The following MTMR14 variants were observed in gnomAD, a reference collection of about 807,000 sequenced individuals.
MTMR14 encodes myotubularin related protein 14.
Under a neutral mutation model 86.3 loss-of-function variants are expected in MTMR14, and 48 were observed. The ratio of observed to expected loss-of-function variants is 0.56; its 90% CI spans 0.44 to 0.71. MTMR14 has a LOEUF of 0.71. Among genes scored for constraint, MTMR14 ranks in the 30% least tolerant of loss-of-function variants. The pLI, the probability that MTMR14 is intolerant of heterozygous loss-of-function variation, is 0.00. For missense variants in MTMR14, 780 were observed against 834.6 expected (o/e 0.93, Z 0.81); for synonymous variants, 366 against 326.1 (o/e 1.12, Z -1.32).
At chr3:9,659,644 A>C in intron 2 of MTMR14, 1 of 452,992 alleles carries the variant, frequency 2.2e-6, no homozygotes, top group Admixed American at 2.4e-5. Context: ...GGGTTTCACC[A>C]TGTTGGCCAG....
intron 7 of MTMR14, among the ~76,000 whole-genome samples, chr3:9,676,096 G>C (rs374695187): frequency 6.6e-6 from 1 of 152,192 alleles, no homozygotes; most frequent in Non-Finnish European, 1.5e-5. Context: ...TGGCCCAAGA[G>C]TTGCTGCGAC....
intron 4 of MTMR14, among the ~76,000 whole-genome samples, chr3:9,669,139 CAAA>C (rs1225596376): frequency 2.0e-5 from 2 of 99,332 alleles, no homozygotes; most frequent in Non-Finnish European, 2.1e-5. Context: ...GACTCCGTCT[CAAA>C]AAAAAAAAAA....
At chr3:9,685,761 ACT>A (rs2075924077) in intron 13 of MTMR14, among the ~76,000 whole-genome samples, 1 of 148,238 alleles carries the variant, frequency 6.7e-6, no homozygotes, top group Non-Finnish European at 1.5e-5. Flanking sequence ...TGTGCTCAGC[ACT>A]CTCTCCCCCA....
intron 2 of MTMR14, chr3:9,653,985 C>A: frequency 1.7e-6 from 1 of 599,920 alleles, no homozygotes. Context: ...ATTGCTGTTT[C>A]ACTTCCACCC....
At chr3:9,661,371 A>G (rs1365241747) in intron 2 of MTMR14, among the ~76,000 whole-genome samples, 6 of 152,126 alleles carry the variant, frequency 3.9e-5, no homozygotes, top group Admixed American at 2.0e-4. Flanking sequence ...GGAGTTCACA[A>G]TAGGGTTCGA....
chr3:9,666,989 G>C (rs534286186), intron 3 of MTMR14, among the ~76,000 whole-genome samples: 1 of 152,308 alleles, frequency 6.6e-6, no homozygotes, highest in South Asian at 2.1e-4. Flanking sequence ...TGGCCAACTT[G>C]TTTTTCTCCA....
chr3:9,694,587 T>G (rs2076229650), intron 17 of MTMR14, among the ~76,000 whole-genome samples: 1 of 152,188 alleles, frequency 6.6e-6, no homozygotes, highest in Non-Finnish European at 1.5e-5. Flanking sequence ...AGTAGATACC[T>G]TTTCACGAAT....
rs1212236622 is a variant in MTMR14, at chr3:9,677,924, C to T, written c.823-60C>T. On this transcript the variant is annotated intron_variant, in intron 8 of 18. Coordinates refer to ENST00000296003, the MANE Select transcript of MTMR14 (RefSeq NM_001077525.3). The surrounding 1 kb of genome is among the most constrained non-coding windows in gnomAD (Gnocchi z 4.2). ...ACAGCCTCAGGACTGCAAGCTTCCC[C>T]ATCACCTAAGCCTCCTCTGGTGGCC... 1.3e-6 allele frequency: 2 copies of T among 1,511,858 alleles called. No individual in the cohort carries two copies. The highest frequency in any genetic ancestry group is 1.2e-5 in the South Asian group (1 of 86,038). The allele number at this position is 1,511,858 out of a possible 1,614,324, so 93.7% of individuals were successfully genotyped here. A position where few individuals can be genotyped will look rare whatever the true frequency, so the allele number is the denominator to read the frequency against.
intron 7 of MTMR14, among the ~76,000 whole-genome samples, chr3:9,673,791 T>A (rs931539957): frequency 2.1e-5 from 3 of 144,262 alleles, no homozygotes; most frequent in African/African-American, 8.8e-5. Context: ...ATAATGGTGC[T>A]TATTTAAGAG....
At position 9,653,782 on chromosome 3, in the gene MTMR14, T is replaced by TG; in HGVS notation, c.308+14dup. 1 of 1,614,174 alleles carries TG rather than the reference T, an allele frequency of 6.2e-7. No individual in the cohort carries two copies. Among genetic ancestry groups the TG allele is most frequent in the Non-Finnish European group, 8.5e-7 (1 of 1,180,022 alleles). ...AGGAGAAAGACACGTGAGCATCATG[T>TG]GACCGTAGTGTACATGTCTGGGGAG... On this transcript the variant is annotated intron_variant, in intron 2 of 18. Transcript: ENST00000296003.
Position 9,670,745 on chromosome 3 carries a change from G to A in MTMR14, c.555-303G>A, listed in dbSNP as rs1403934354. 2.6e-5 allele frequency among the ~76,000 whole-genome samples: 4 copies of A among 152,204 alleles called. No individual in the cohort carries two copies. In the East Asian group the frequency reaches 7.7e-4, roughly 29 times the overall value. On this transcript the variant is annotated intron_variant, in intron 5 of 18. Transcript: ENST00000296003. ...CCACCAGCCTGCTGCATTTTAGAAC[G>A]CTGAGATTATTTTGAGTCTTCTGGC...
intron 1 of MTMR14, chr3:9,650,617 A>T (rs1299531070): frequency 3.7e-6 from 1 of 267,002 alleles, no homozygotes; most frequent in African/African-American, 2.2e-5. Context: ...CTCACTCTCC[A>T]AATGGCCAAG....
At chr3:9,667,546 C>A (rs1247505289) in intron 3 of MTMR14, among the ~76,000 whole-genome samples, 1 of 152,122 alleles carries the variant, frequency 6.6e-6, no homozygotes, top group Non-Finnish European at 1.5e-5. Context: ...CTACTTAAGC[C>A]AGCAGGAATG....
At chr3:9,685,181 G>A (rs1263790198) in intron 12 of MTMR14, 30 bp from the exon 13 acceptor site, 1 of 1,614,026 alleles carries the variant, frequency 6.2e-7, no homozygotes, top group Admixed American at 1.7e-5. Flanking sequence ...TGGTGCTGCT[G>A]ACTTTGCCTC....
chr3:9,674,498 C>T (rs976994190), intron 7 of MTMR14, among the ~76,000 whole-genome samples: 1 of 152,106 alleles, frequency 6.6e-6, no homozygotes, highest in South Asian at 2.1e-4. Context: ...ATAGAAGAAT[C>T]GAAAATGGGC....
intron 2 of MTMR14, among the ~76,000 whole-genome samples, chr3:9,654,668 G>A (rs890972257): frequency 5.3e-5 from 8 of 152,212 alleles, no homozygotes; most frequent in African/African-American, 1.7e-4. Flanking sequence ...TCCTGGCCCC[G>A]TGGGTGAAAT....
At position 9,678,000 on chromosome 3, in the gene MTMR14, C is replaced by T; in HGVS notation, c.839C>T (p.Pro280Leu). Residue 280 changes from proline to leucine, a missense_variant, in exon 9 of 19, where the codon CCA becomes CTA. Pro to Leu is a moderately conservative substitution (Grantham distance 98). Coordinates refer to ENST00000296003, the MANE Select transcript of MTMR14 (RefSeq NM_001077525.3). This position sits in a 1 kb window ranked among gnomAD's most constrained non-coding sequence, Gnocchi z 4.2. Reference sequence around the variant, plus strand: ...TGTCCCCAGGACTACGTTGATGCCCCATTGAGCATCCCCGACTTCCTGACT... The same window carrying T: ...TGTCCCCAGGACTACGTTGATGCCCTATTGAGCATCCCCGACTTCCTGACT... Reference protein sequence around the residue: ...FNWKQDYVDAPLSIPDFLTHS... With the variant: ...FNWKQDYVDALLSIPDFLTHS... The T allele has an allele frequency of 6.2e-7, 1 of 1,614,084 alleles. No homozygotes were observed. Among genetic ancestry groups the T allele is most frequent in the Non-Finnish European group, 8.5e-7 (1 of 1,179,980 alleles).
At chr3:9,695,578 CT>C (rs758214696) in intron 17 of MTMR14, among the ~76,000 whole-genome samples, 1 of 152,178 alleles carries the variant, frequency 6.6e-6, no homozygotes, top group African/African-American at 2.4e-5. Context: ...ACCTGGAATC[CT>C]TGAGGGGAGC....
At chr3:9,661,800 T>C (rs1273360291) in intron 2 of MTMR14, among the ~76,000 whole-genome samples, 3 of 152,204 alleles carry the variant, frequency 2.0e-5, no homozygotes, top group Admixed American at 6.5e-5. Context: ...TTTTTTTTTT[T>C]CCTGAAAAAC....
Sources: allele counts gnomAD v4.1 joint callset (sites outside exome capture counted in the v4.1 genomes callset), GRCh38; gene constraint gnomAD v4.1.1; non-coding constraint Gnocchi (gnomAD v3.1); transcripts MANE v1.5; gene names NCBI Gene and HGNC (gene_info 2026-07-23, HGNC 2026-07-21).